Variants in ZNF138 observed in about 807,000 individuals in gnomAD.
ZNF138 encodes the protein zinc finger protein 138 (clone pHZ-32).
Under a neutral mutation model 33.0 loss-of-function variants are expected in ZNF138, and 33 were observed. The observed-to-expected ratio is 1.00, with a 90% CI of 0.76 to 1.34. The LOEUF (loss-of-function observed/expected upper bound fraction) is 1.34, where lower values mean the gene tolerates loss of function less well. Ranked by LOEUF, ZNF138 falls within the 40% of genes most tolerant of loss-of-function variation. ZNF138 has a pLI of 0.00. For missense variants in ZNF138, 360 were observed against 370.8 expected (o/e 0.97, Z 0.24); for synonymous variants, 139 against 120.4 (o/e 1.15, Z -1.01).
At chr7:64,824,220 T>A (rs1055510274) in intron 3 of ZNF138, among the ~76,000 whole-genome samples, 2 of 152,070 alleles carry the variant, frequency 1.3e-5, no homozygotes, top group Admixed American at 1.3e-4. Flanking sequence ...ATAAAAAAAT[T>A]TACACTTAAT....
chr7:64,808,000 G>A (rs1199007941), intron 1 of ZNF138, among the ~76,000 whole-genome samples: 1 of 152,192 alleles, frequency 6.6e-6, no homozygotes, highest in Admixed American at 6.5e-5. Context: ...AGGTTCTGGA[G>A]CTCCGCTAGG....
chr7:64,848,704 A>AT, the ZNF138 span, among the ~76,000 whole-genome samples: 1,601 of 102,556 alleles, frequency 0.016, 106 homozygotes, highest in African/African-American at 0.054. Context: ...ATTTTGGTGG[A>AT]TTTTTTTTTT....
At chr7:64,852,750 C>A in the ZNF138 span, 1 of 939,042 alleles carries the variant, frequency 1.1e-6, no homozygotes, top group Non-Finnish European at 1.8e-6. Context: ...CCCTGTGTCC[C>A]CAGGGGTTTT....
chr7:64,837,951 C>T (rs10251093), downstream of ZNF138, among the ~76,000 whole-genome samples: 150,030 of 152,246 alleles, frequency 0.99, 73,962 homozygotes, highest in East Asian at 1. Context: ...GTGGTCTAGG[C>T]GGAAGGGCAG....
At chr7:64,814,517 A>T (rs1341631504) in intron 1 of ZNF138, among the ~76,000 whole-genome samples, 4 of 152,178 alleles carry the variant, frequency 2.6e-5, no homozygotes, top group Non-Finnish European at 4.4e-5. Context: ...CTGTAATCCC[A>T]GCACTTTGGG....
intron 1 of ZNF138, among the ~76,000 whole-genome samples, chr7:64,807,132 A>G (rs1030745562): frequency 6.6e-6 from 1 of 152,244 alleles, no homozygotes; most frequent in African/African-American, 2.4e-5. Flanking sequence ...TTAATCTGAT[A>G]TCTATAGAAA....
rs868138745 is a variant in ZNF138, at chr7:64,799,530, T to G, written c.3+4959T>G. On this transcript the variant is annotated intron_variant, in intron 1 of 3. Coordinates refer to ENST00000307355, the MANE Select transcript of ZNF138 (RefSeq NM_001271639.2). ...ATATTTGTGTCATATCTGACTTATT[T>G]AAGCAGTGTTTTGTAATTCTTGTAG... 2.0e-5 allele frequency among the ~76,000 whole-genome samples: 3 copies of G among 152,208 alleles called. No individual in the cohort carries two copies. The South Asian group carries it at 6.2e-4, about 32-fold the overall frequency.
chr7:64,839,913 C>A, the ZNF138 span, among the ~76,000 whole-genome samples: 2 of 152,076 alleles, frequency 1.3e-5, no homozygotes, highest in African/African-American at 4.8e-5. Context: ...GTTCACTGGT[C>A]CGCAGCGGGA....
At chr7:64,815,737 A>G in intron 3 of ZNF138, 84 bp downstream of exon 3, 3 of 1,250,472 alleles carry the variant, frequency 2.4e-6, no homozygotes, top group Non-Finnish European at 3.3e-6. Context: ...TGATTTGGAA[A>G]TCTGTATTCC....
At chr7:64,796,802 G>A (rs1050795737) in intron 1 of ZNF138, among the ~76,000 whole-genome samples, 9 of 152,218 alleles carry the variant, frequency 5.9e-5, no homozygotes, top group African/African-American at 1.9e-4. Context: ...CAGCACTGTG[G>A]GAGGCCAAGG....
At chr7:64,800,814 G>A (rs894865647) in intron 1 of ZNF138, among the ~76,000 whole-genome samples, 1 of 151,958 alleles carries the variant, frequency 6.6e-6, no homozygotes, top group Non-Finnish European at 1.5e-5. Flanking sequence ...CTCTGGTCCT[G>A]GGCTTTTTTT....
chr7:64,846,484 G>A, the ZNF138 span, among the ~76,000 whole-genome samples: 1 of 152,254 alleles, frequency 6.6e-6, no homozygotes, highest in South Asian at 2.1e-4. Context: ...TCACCTCTGT[G>A]GTTAGGTATA....
chr7:64,832,235 A>C lies in ZNF138; in HGVS notation c.*33A>C, dbSNP rs1443225700. On this transcript the variant is annotated 3_prime_UTR_variant, in exon 4 of 4. Coordinates refer to ENST00000307355, the MANE Select transcript of ZNF138 (RefSeq NM_001271639.2). ...CTGAACATAAGAAAATTTACACTAG[A>C]GAGAAAGCCTACAAATGTGAAGAAT... The C allele has an allele frequency of 1.9e-6, 3 of 1,603,058 alleles. No individual in the cohort carries two copies. The highest frequency in any genetic ancestry group is 1.7e-5 in the Admixed American group (1 of 58,202).
At position 64,826,038 on chromosome 7, in the gene ZNF138, T is replaced by C. The variant is rs148286810; in HGVS notation, c.209-5413T>C. Reference sequence around the variant, plus strand: ...TTTTTGTAGTGATAGGGTTTTGCCATGTTACCCAGGCTTGTCTTGAACTTC... The same window carrying C: ...TTTTTGTAGTGATAGGGTTTTGCCACGTTACCCAGGCTTGTCTTGAACTTC... On this transcript the variant is annotated intron_variant, in intron 3 of 3. Coordinates refer to ENST00000307355, the MANE Select transcript of ZNF138 (RefSeq NM_001271639.2). 9.8e-4 allele frequency among the ~76,000 whole-genome samples: 149 copies of C among 152,014 alleles called. 2 individuals carry two copies. The highest frequency in any genetic ancestry group is 3.5e-3 in the African/African-American group (147 of 41,456).
chr7:64,825,974 C>T (rs1789580543), intron 3 of ZNF138, among the ~76,000 whole-genome samples: 2 of 152,090 alleles, frequency 1.3e-5, no homozygotes, highest in Non-Finnish European at 1.5e-5. Context: ...TAGCTGTTTA[C>T]ACGTAAGTAC....
downstream of ZNF138, among the ~76,000 whole-genome samples, chr7:64,834,731 A>C (rs1159323874): frequency 6.6e-6 from 1 of 152,202 alleles, no homozygotes; most frequent in Non-Finnish European, 1.5e-5. Context: ...CAAAAGTCTA[A>C]GTGGAGAGGC....
chr7:64,842,591 A>T, the ZNF138 span, among the ~76,000 whole-genome samples: 5 of 152,094 alleles, frequency 3.3e-5, no homozygotes, highest in Non-Finnish European at 5.9e-5. Context: ...AATTCTGGAG[A>T]TGATGGCAAC....
intron 1 of ZNF138, among the ~76,000 whole-genome samples, chr7:64,795,433 G>A (rs1367071440): frequency 1.3e-5 from 2 of 151,982 alleles, no homozygotes; most frequent in African/African-American, 4.8e-5. Flanking sequence ...GCCTAACTCT[G>A]GCTTGCAGTA....
chr7:64,826,899 C>T (rs1466678204), intron 3 of ZNF138, among the ~76,000 whole-genome samples: 1 of 152,122 alleles, frequency 6.6e-6, no homozygotes, highest in Non-Finnish European at 1.5e-5. Context: ...GTCCACCTGC[C>T]TCGGCCTCCC....
Sources: allele counts gnomAD v4.1 joint callset (sites outside exome capture counted in the v4.1 genomes callset), GRCh38; gene constraint gnomAD v4.1.1; transcripts MANE v1.5; gene names NCBI Gene and HGNC (gene_info 2026-07-23, HGNC 2026-07-21).